Variants in FCHSD2 observed in about 807,000 individuals in gnomAD.
FCHSD2 encodes F-BAR and double SH3 domains protein 2.
Under a neutral mutation model 108.1 loss-of-function variants are expected in FCHSD2, and 38 were observed. The ratio of observed to expected loss-of-function variants is 0.35; its 90% CI spans 0.27 to 0.46. The LOEUF (loss-of-function observed/expected upper bound fraction) is 0.46. FCHSD2 is among the 20% of genes least tolerant of loss of function. FCHSD2 has a pLI of 1.00. For synonymous variants in FCHSD2, 279 were observed against 314.7 expected (o/e 0.89, Z 1.20); for missense variants, 751 against 897.8 (o/e 0.84, Z 2.09).
chr11:72,896,821 G>T (rs1369311734), intron 10 of FCHSD2, among the ~76,000 whole-genome samples: 3 of 136,848 alleles, frequency 2.2e-5, no homozygotes, highest in African/African-American at 8.0e-5. Context: ...GTGGATTTTT[G>T]TTTTGTTTTG....
At chr11:72,960,288 A>C (rs1856799193) in intron 8 of FCHSD2, among the ~76,000 whole-genome samples, 1 of 152,022 alleles carries the variant, frequency 6.6e-6, no homozygotes. Flanking sequence ...TGAGGGATCC[A>C]CCCTCATGAC....
chr11:73,033,769 G>C (rs1228341467), intron 3 of FCHSD2, among the ~76,000 whole-genome samples: 1 of 152,162 alleles, frequency 6.6e-6, no homozygotes, highest in Non-Finnish European at 1.5e-5. Context: ...CCTTTGCTGT[G>C]AATTAGTTAT....
intron 2 of FCHSD2, among the ~76,000 whole-genome samples, chr11:73,133,049 G>A (rs1055340233): frequency 1.3e-5 from 2 of 152,026 alleles, no homozygotes; most frequent in Non-Finnish European, 2.9e-5. Context: ...AAAAATGCAC[G>A]TCAAAGCCAC....
At chr11:72,980,129 G>A (rs1027971256) in intron 8 of FCHSD2, among the ~76,000 whole-genome samples, 4 of 152,106 alleles carry the variant, frequency 2.6e-5, no homozygotes, top group Non-Finnish European at 4.4e-5. Flanking sequence ...GTCTTCCAAC[G>A]GTTTCTATCG....
chr11:73,081,711 T>C (rs933030758), intron 3 of FCHSD2, among the ~76,000 whole-genome samples: 3 of 152,008 alleles, frequency 2.0e-5, no homozygotes, highest in Non-Finnish European at 4.4e-5. Context: ...TATCACAGAC[T>C]TTCATCTCAA....
intron 8 of FCHSD2, among the ~76,000 whole-genome samples, chr11:72,929,919 T>C (rs756022445): frequency 5.4e-4 from 82 of 152,270 alleles, no homozygotes; most frequent in South Asian, 2.1e-4. Flanking sequence ...TAAATGATTA[T>C]TGAAATGAAT....
chr11:72,906,510 T>C (rs907182069), intron 9 of FCHSD2, among the ~76,000 whole-genome samples: 3 of 152,256 alleles, frequency 2.0e-5, no homozygotes, highest in Non-Finnish European at 4.4e-5. Context: ...CATGCCTATG[T>C]CCTGAATGGT....
At chr11:73,065,068 AGG>A (rs1565393244) in intron 3 of FCHSD2, among the ~76,000 whole-genome samples, 1 of 152,230 alleles carries the variant, frequency 6.6e-6, no homozygotes, top group East Asian at 1.9e-4. Flanking sequence ...AGAAAATTTA[AGG>A]CCAATATCCC....
At chr11:73,063,835 A>G (rs1478734047) in intron 3 of FCHSD2, among the ~76,000 whole-genome samples, 1 of 152,186 alleles carries the variant, frequency 6.6e-6, no homozygotes, top group East Asian at 1.9e-4. Flanking sequence ...CCACACAATA[A>G]TAATGGGAGA....
At chr11:72,914,351 T>A (rs1050415478) in intron 9 of FCHSD2, among the ~76,000 whole-genome samples, 2 of 152,134 alleles carry the variant, frequency 1.3e-5, no homozygotes, top group Non-Finnish European at 2.9e-5. Context: ...CTATTCCCAT[T>A]GAACTACCAT....
chr11:73,119,740 C>A (rs1327561120), intron 2 of FCHSD2, among the ~76,000 whole-genome samples: 2 of 152,190 alleles, frequency 1.3e-5, no homozygotes, highest in Non-Finnish European at 2.9e-5. Context: ...AACTAGCATA[C>A]CTGGCCTAGA....
intron 2 of FCHSD2, among the ~76,000 whole-genome samples, chr11:73,138,799 G>C (rs1861181762): frequency 1.3e-5 from 2 of 151,912 alleles, no homozygotes; most frequent in African/African-American, 4.8e-5. Flanking sequence ...GTAGAGACAG[G>C]GTTTTATCAT....
chr11:73,132,120 A>G (rs1861017833), intron 2 of FCHSD2, among the ~76,000 whole-genome samples: 1 of 152,256 alleles, frequency 6.6e-6, no homozygotes, highest in South Asian at 2.1e-4. Context: ...AGAGGCAATG[A>G]CAACTGCATC....
At chr11:72,956,263 G>C (rs1430069047) in intron 8 of FCHSD2, among the ~76,000 whole-genome samples, 1 of 152,126 alleles carries the variant, frequency 6.6e-6, no homozygotes, top group Non-Finnish European at 1.5e-5. Context: ...CCTTCCATTA[G>C]AATGCCAACT....
Position 72,964,979 on chromosome 11 carries a change from C to T in FCHSD2, c.705+19109G>A, listed in dbSNP as rs542735020. 1.4e-4 allele frequency among the ~76,000 whole-genome samples: 22 copies of T among 152,002 alleles called. No homozygotes were observed. In the Middle Eastern group the frequency reaches 0.01, roughly 71 times the overall value. On this transcript the variant is annotated intron_variant, in intron 8 of 19. Coordinates refer to ENST00000409418, the MANE Select transcript of FCHSD2 (RefSeq NM_014824.3). Reference sequence around the variant, plus strand: ...TAATTTTTTGTATTTTTAGTAGAGACGGGGTTTCACTGTGTTAGCCAGGAT... The same window carrying T: ...TAATTTTTTGTATTTTTAGTAGAGATGGGGTTTCACTGTGTTAGCCAGGAT...
At chr11:73,102,725 T>C (rs1466378552) in intron 2 of FCHSD2, among the ~76,000 whole-genome samples, 1 of 152,222 alleles carries the variant, frequency 6.6e-6, no homozygotes, top group Non-Finnish European at 1.5e-5. Context: ...TCTACCTTTC[T>C]GCCATGTGAT....
intron 12 of FCHSD2, among the ~76,000 whole-genome samples, chr11:72,883,031 T>C (rs905919891): frequency 4.9e-4 from 74 of 152,306 alleles, no homozygotes; most frequent in African/African-American, 1.7e-3. Context: ...TTGTTTTCAA[T>C]ACGGGTGCAA....
chr11:73,082,595 G>A (rs1859721720), intron 3 of FCHSD2, among the ~76,000 whole-genome samples: 1 of 151,834 alleles, frequency 6.6e-6, no homozygotes, highest in South Asian at 2.1e-4. Context: ...ATCTGACAAA[G>A]CCTAAAAGAG....
intron 2 of FCHSD2, among the ~76,000 whole-genome samples, chr11:73,112,525 T>C (rs1438042688): frequency 1.3e-5 from 2 of 152,222 alleles, no homozygotes; most frequent in Non-Finnish European, 2.9e-5. Flanking sequence ...TGAATACTGA[T>C]AGCTTTCCCT....
Sources: gnomAD v4.1 joint callset for allele counts (sites outside exome capture counted in the v4.1 genomes callset) on GRCh38, gnomAD v4.1.1 for gene constraint, MANE v1.5 for transcripts, NCBI Gene and HGNC (gene_info 2026-07-23, HGNC 2026-07-21) for gene names.